The following KIF5C variants were observed in gnomAD, a reference collection of about 807,000 sequenced individuals.
KIF5C encodes the protein kinesin heavy chain isoform 5C.
In KIF5C, 18 loss-of-function variants were observed where a neutral mutation model predicts 125.2. That is an observed-to-expected ratio of 0.14 (90% confidence interval 0.10 to 0.21). The LOEUF is 0.21. KIF5C is among the 10% of genes least tolerant of loss of function. The probability of loss-of-function intolerance (pLI) is 1.00; values close to 1 mark genes in which losing one functional copy is unlikely to be tolerated. For synonymous variants in KIF5C, 405 were observed against 434.0 expected (o/e 0.93, Z 0.83); for missense variants, 780 against 1,183.8 (o/e 0.66, Z 5.01).
At chr2:148,995,155 G>A (rs1024148813) in intron 17 of KIF5C, among the ~76,000 whole-genome samples, 2 of 152,138 alleles carry the variant, frequency 1.3e-5, no homozygotes, top group African/African-American at 2.4e-5. Flanking sequence ...AGGCCCCTCT[G>A]GTTCACTGTC....
intron 16 of KIF5C, among the ~76,000 whole-genome samples, chr2:148,991,437 T>C (rs900625463): frequency 2.0e-5 from 3 of 152,134 alleles, no homozygotes; most frequent in African/African-American, 7.2e-5. Context: ...TACCCATCCA[T>C]AGATGGATGG....
chr2:148,958,107 T>C (rs1682842280), intron 10 of KIF5C, among the ~76,000 whole-genome samples: 1 of 152,174 alleles, frequency 6.6e-6, no homozygotes, highest in Non-Finnish European at 1.5e-5. Context: ...CTATTGTTGA[T>C]GGATATTTGG....
At chr2:149,009,719 C>G (rs538575269) in intron 23 of KIF5C, among the ~76,000 whole-genome samples, 1 of 152,274 alleles carries the variant, frequency 6.6e-6, no homozygotes, top group South Asian at 2.1e-4. Context: ...TCTGAGAGCT[C>G]AGGAACATGC....
chr2:148,938,567 C>T (rs1044908061), intron 4 of KIF5C, among the ~76,000 whole-genome samples: 6 of 152,130 alleles, frequency 3.9e-5, no homozygotes, highest in South Asian at 2.1e-4. Flanking sequence ...CTCTAAATTC[C>T]CTTGGGCAGG....
At chr2:148,942,147 AT>A (rs1682424357) in intron 6 of KIF5C, among the ~76,000 whole-genome samples, 157 bp downstream of exon 6, 2 of 152,230 alleles carry the variant, frequency 1.3e-5, no homozygotes, top group African/African-American at 4.8e-5. Context: ...AAAAATTGAC[AT>A]TTACTTTCTT....
intron 14 of KIF5C, 97 bp from the exon 15 acceptor site, chr2:148,983,523 G>T: frequency 7.2e-7 from 1 of 1,388,034 alleles, no homozygotes; most frequent in Non-Finnish European, 9.5e-7. Flanking sequence ...TCATGTAAAA[G>T]AAATCCATTC....
Position 149,025,075 on chromosome 2 carries a change from G to A in KIF5C, c.*2005G>A, listed in dbSNP as rs1682650640. On this transcript the variant is annotated 3_prime_UTR_variant, in exon 26 of 26. Coordinates refer to ENST00000435030, the MANE Select transcript of KIF5C (RefSeq NM_004522.3). ...TCTTGTTAATATCCATCATAAAATAGATTGTTTTAGATTCTTTCCAGGGTG... is the reference window on the plus strand; with the variant it reads ...TCTTGTTAATATCCATCATAAAATAAATTGTTTTAGATTCTTTCCAGGGTG... The A allele has an allele frequency of 6.6e-6, 1 of 152,514 alleles. No individual in the cohort carries two copies. Among genetic ancestry groups the A allele is most frequent in the Admixed American group, 6.5e-5 (1 of 15,278 alleles). The allele number at this position is 152,514 out of a possible 1,614,324, so 9.4% of individuals were successfully genotyped here. A position where few individuals can be genotyped will look rare whatever the true frequency, so the allele number is the denominator to read the frequency against.
intron 3 of KIF5C, among the ~76,000 whole-genome samples, chr2:148,930,988 A>C (rs1053670219): frequency 2.6e-5 from 4 of 152,066 alleles, no homozygotes; most frequent in Admixed American, 2.6e-4. Flanking sequence ...GCAGTTCTAC[A>C]TTTCCTGTGT....
intron 1 of KIF5C, among the ~76,000 whole-genome samples, chr2:148,886,854 C>G (rs1681542355): frequency 6.6e-6 from 1 of 152,154 alleles, no homozygotes; most frequent in Non-Finnish European, 1.5e-5. Context: ...ACAGCACTTG[C>G]TTGCTCATGT....
At chr2:148,883,370 G>C (rs934874764) in intron 1 of KIF5C, among the ~76,000 whole-genome samples, 2 of 151,956 alleles carry the variant, frequency 1.3e-5, no homozygotes, top group Non-Finnish European at 2.9e-5. Context: ...GCATGGTGGC[G>C]GGCACCTGTA....
In KIF5C at chr2:148,997,545, A is replaced by G; in HGVS notation, c.2100+205A>G. The G allele has an allele frequency of 3.3e-6, 3 of 896,516 alleles. No homozygotes were observed. In the South Asian group the frequency reaches 5.9e-5, roughly 18 times the overall value. The allele number at this position is 896,516 out of a possible 1,614,324, so 55.5% of individuals were successfully genotyped here. A position where few individuals can be genotyped will look rare whatever the true frequency, so the allele number is the denominator to read the frequency against. Reference sequence around the variant, plus strand: ...TCCAGAAACCCCAAGATGTCTGTAGAGAATGGTTAAGTTGCGTTAATACCT... The same window carrying G: ...TCCAGAAACCCCAAGATGTCTGTAGGGAATGGTTAAGTTGCGTTAATACCT... On this transcript the variant is annotated intron_variant, in intron 18 of 25. Transcript: ENST00000435030.
At chr2:149,006,325 T>C (rs1682006460) in intron 22 of KIF5C, among the ~76,000 whole-genome samples, 1 of 151,592 alleles carries the variant, frequency 6.6e-6, no homozygotes, top group African/African-American at 2.4e-5. Flanking sequence ...GATGGATGTA[T>C]TAGATAGGCT....
chr2:148,997,616 A>C, intron 18 of KIF5C: 2 of 460,252 alleles, frequency 4.3e-6, no homozygotes, highest in Non-Finnish European at 7.5e-6. Context: ...AGCACCCCCA[A>C]TCACTGCATG....
At chr2:148,988,024 T>C (rs907816210) in intron 15 of KIF5C, among the ~76,000 whole-genome samples, 49 of 152,206 alleles carry the variant, frequency 3.2e-4, no homozygotes, top group African/African-American at 1.1e-3. Context: ...ACATCTTCCA[T>C]AGATTTCATG....
rs919576876 is a variant in KIF5C at position 148,876,179 on chromosome 2, CTCT to C, written c.126+443_126+445del. Among the ~76,000 whole-genome samples the C allele has an allele frequency of 2.6e-5, 4 of 152,236 alleles. No individual in the cohort carries two copies. The highest frequency in any genetic ancestry group is 9.6e-5 in the African/African-American group (4 of 41,470). ...CAATTCGATTTACCAAACGCCTTGC[CTCT>C]TCTTCTCACGACCCTAGCAAAAAAG... On this transcript the variant is annotated intron_variant, in intron 1 of 25. Coordinates refer to ENST00000435030, the MANE Select transcript of KIF5C (RefSeq NM_004522.3). The surrounding 1 kb of genome is among the most constrained non-coding windows in gnomAD (Gnocchi z 4.7).
At chr2:148,931,271 T>C (rs1457619742) in intron 3 of KIF5C, among the ~76,000 whole-genome samples, 4 of 152,194 alleles carry the variant, frequency 2.6e-5, no homozygotes, top group Non-Finnish European at 5.9e-5. Flanking sequence ...ATAAGGTACT[T>C]GCTAAATGCC....
chr2:148,918,746 T>A (rs1001081116), intron 1 of KIF5C, among the ~76,000 whole-genome samples: 7 of 152,136 alleles, frequency 4.6e-5, no homozygotes, highest in African/African-American at 1.4e-4. Context: ...CTAAGAATAA[T>A]AGGAGCCTTT....
intron 21 of KIF5C, among the ~76,000 whole-genome samples, chr2:149,002,456 G>GCATGCTCCTC (rs766694322): frequency 6.6e-6 from 1 of 152,100 alleles, no homozygotes; most frequent in Non-Finnish European, 1.5e-5. Flanking sequence ...ACTCACTCCT[G>GCATGCTCCTC]CATGCTCCTC....
chr2:149,015,805 A>G (rs1682341886), intron 25 of KIF5C, among the ~76,000 whole-genome samples: 1 of 152,200 alleles, frequency 6.6e-6, no homozygotes, highest in Non-Finnish European at 1.5e-5. Flanking sequence ...CTACCGGCTA[A>G]GTGGGATCAG....
Sources: allele counts gnomAD v4.1 joint callset (sites outside exome capture counted in the v4.1 genomes callset), GRCh38; gene constraint gnomAD v4.1.1; non-coding constraint Gnocchi (gnomAD v3.1); transcripts MANE v1.5; gene names NCBI Gene and HGNC (gene_info 2026-07-23, HGNC 2026-07-21).